The following STARD9 variants were observed in gnomAD, a reference collection of about 807,000 sequenced individuals.
STARD9 encodes stAR-related lipid transfer protein 9.
A neutral mutation model predicts 399.8 loss-of-function variants in STARD9; 346 were observed. The ratio of observed to expected loss-of-function variants is 0.87; its 90% CI spans 0.79 to 0.95. The LOEUF (loss-of-function observed/expected upper bound fraction) is 0.95. Ranked by LOEUF, STARD9 falls within the 40% of genes least tolerant of loss-of-function variation. STARD9 has a pLI of 0.00. For synonymous variants in STARD9, 2,203 were observed against 2,143.5 expected (o/e 1.03, Z -0.77); for missense variants, 5,832 against 5,667.5 (o/e 1.03, Z -0.93).
intron 18 of STARD9, 149 bp downstream of exon 18, chr15:42,675,113 A>C (rs954930415): frequency 3.4e-6 from 3 of 888,082 alleles, no homozygotes; most frequent in African/African-American, 1.7e-5. Context: ...ATATGATCCT[A>C]TTCCCATAAA....
chr15:42,700,500 A>G (rs1407383444), intron 26 of STARD9, among the ~76,000 whole-genome samples: 1 of 152,086 alleles, frequency 6.6e-6, no homozygotes, highest in East Asian at 1.9e-4. Context: ...ATTTCATTGT[A>G]GTTTTGATTT....
chr15:42,610,648 A>G (rs964581231), intron 3 of STARD9, among the ~76,000 whole-genome samples: 1 of 152,116 alleles, frequency 6.6e-6, no homozygotes, highest in Non-Finnish European at 1.5e-5. Flanking sequence ...GCCCGGGTTC[A>G]AGCTTCTCCT....
intron 19 of STARD9, 42 bp from the exon 20 acceptor site, chr15:42,675,830 G>C: frequency 6.5e-7 from 1 of 1,534,936 alleles, no homozygotes; most frequent in Non-Finnish European, 8.7e-7. Context: ...GAGAGGTGGA[G>C]GCGATGACAG....
At chr15:42,626,592 C>T in intron 3 of STARD9, among the ~76,000 whole-genome samples, 1 of 152,022 alleles carries the variant, frequency 6.6e-6, no homozygotes, top group Non-Finnish European at 1.5e-5. Flanking sequence ...CCTCCGCCTC[C>T]CGGGTTCTAA....
intron 4 of STARD9, among the ~76,000 whole-genome samples, chr15:42,635,847 T>C (rs906413383): frequency 3.3e-5 from 5 of 152,170 alleles, no homozygotes; most frequent in Admixed American, 2.0e-4. Flanking sequence ...AGCCTACATG[T>C]GTTAGATCTG....
intron 3 of STARD9, among the ~76,000 whole-genome samples, chr15:42,612,134 C>T (rs575047969): frequency 3.9e-5 from 6 of 152,270 alleles, no homozygotes; most frequent in South Asian, 4.1e-4. Flanking sequence ...TGTTCCACCA[C>T]ACCTGGCTAA....
chr15:42,690,959 G>C lies in STARD9; in HGVS notation c.9381G>C (p.Val3127=), dbSNP rs753335888. Residue 3127 remains valine, a synonymous_variant, in exon 23 of 33, where the codon GTG becomes GTC. Transcript: ENST00000290607. ...CTGTAGGTGACCAGAATGCACAGGT[G>C]TGTCAAACCAATCCAGAACCACCTG... The part of the protein sequence containing the change: ...DSSVGDQNAQ[V]CQTNPEPPAT... The C allele has an allele frequency of 2.0e-5, 30 of 1,537,118 alleles. No homozygotes were observed. The South Asian group carries it at 2.5e-4, about 13-fold the overall frequency.
chr15:42,606,838 A>G (rs543220750), intron 3 of STARD9, among the ~76,000 whole-genome samples: 95 of 152,206 alleles, frequency 6.2e-4, no homozygotes, highest in African/African-American at 2.1e-3. Context: ...TCCCCTGAGT[A>G]GACCTAACTG....
chr15:42,687,598 A>G lies in STARD9; in HGVS notation c.6020A>G (p.Gln2007Arg). 2 of 1,537,142 alleles carry G rather than the reference A, an allele frequency of 1.3e-6. No homozygotes were observed. The highest frequency in any genetic ancestry group is 1.7e-6 in the Non-Finnish European group (2 of 1,146,926). ...ACAAAGCCTGCATATGAAAGGTTCC[A>G]GTTAGTTGCATGCCCTCAGGAAAGA... ...PGTKPAYERF[Q>R]LVACPQERNP... The change falls in exon 23 of 33, where the codon CAG becomes CGG. Residue 2007 changes from glutamine to arginine, a missense_variant. By Grantham distance (43) the Gln-to-Arg change is conservative. Transcript: ENST00000290607.
rs1278434178 is a variant in STARD9, at chr15:42,716,735, A to G, written c.13343A>G (p.His4448Arg). 3.3e-6 allele frequency: 5 copies of G among 1,537,022 alleles called. No individual in the cohort carries two copies. The highest frequency in any genetic ancestry group is 2.4e-5 in the East Asian group (1 of 40,930). Residue 4448 changes from histidine to arginine, a missense_variant, in exon 27 of 33, where the codon CAT (histidine) becomes CGT (arginine). By Grantham distance (29) the His-to-Arg change is conservative. Transcript: ENST00000290607. Reference protein sequence around the residue: ...DVWIGDERGGHSAVRKNSAYS... With the variant: ...DVWIGDERGGRSAVRKNSAYS... ...TGGATAGGGGATGAGCGAGGAGGCC[A>G]TTCTGCAGTGAGGAAGAACTCTGCC...
At chr15:42,608,426 C>T (rs536704808) in intron 3 of STARD9, among the ~76,000 whole-genome samples, 1 of 152,252 alleles carries the variant, frequency 6.6e-6, no homozygotes, top group East Asian at 1.9e-4. Context: ...AACAATGAAA[C>T]CGGAATTGTC....
rs1191681352 is a variant in STARD9 at position 42,685,989 on chromosome 15, A to T, written c.4411A>T (p.Thr1471Ser). 9 of 1,537,152 alleles carry T rather than the reference A, an allele frequency of 5.9e-6. 1 individual carries two copies. The South Asian group carries it at 8.3e-5, about 14-fold the overall frequency. ...ATCAAACGTGCTGGCTGCCTCTGCC[A>T]CCACCTTGACTCATGTAGGCAGCAC... ...SVSNVLAASA[T>S]TLTHVGSTHE... Residue 1471 changes from threonine (T) to serine (S), a missense_variant, in exon 23 of 33, where the codon ACC becomes TCC. By Grantham distance (58) the Thr-to-Ser change is moderately conservative (BLOSUM62 1). This residue lies in a region of STARD9 where 5,828 missense variants were observed against 5,651.1 expected (regional missense o/e 1.03). Transcript: ENST00000290607.
In STARD9 at chr15:42,690,948, A is replaced by C; in HGVS notation, c.9370A>C (p.Asn3124His). 2 of 1,537,194 alleles carry C rather than the reference A, an allele frequency of 1.3e-6. No individual in the cohort carries two copies. Among genetic ancestry groups the C allele is most frequent in the Non-Finnish European group, 1.7e-6 (2 of 1,146,902 alleles). ...QFRDSSVGDQ[N>H]AQVCQTNPEP... ...TAGGGACAGCTCTGTAGGTGACCAG[A>C]ATGCACAGGTGTGTCAAACCAATCC... is the stretch of plus-strand genomic sequence containing the variant. Residue 3124 changes from asparagine (N) to histidine (H), a missense_variant, in exon 23 of 33, where the codon AAT becomes CAT. By Grantham distance (68) the Asn-to-His change is moderately conservative. Coordinates refer to ENST00000290607, the MANE Select transcript of STARD9 (RefSeq NM_020759.3).
At chr15:42,697,012 C>T (rs1325647562) in intron 26 of STARD9, among the ~76,000 whole-genome samples, 2 of 152,138 alleles carry the variant, frequency 1.3e-5, no homozygotes, top group Non-Finnish European at 2.9e-5. Context: ...ACAAATACAA[C>T]GTCATTTAAC....
rs781388324 is a variant in STARD9, at chr15:42,663,872, T to G, written c.1131T>G (p.Tyr377Ter). The change falls in exon 13 of 33, where the codon TAT becomes TAG. Residue 377 changes from tyrosine to a stop codon, truncating the protein, a stop_gained. Coordinates refer to ENST00000290607, the MANE Select transcript of STARD9 (RefSeq NM_020759.3). LOFTEE classifies it high-confidence loss of function. ...GTGAGACCATGAGCACACTGAGATA[T>G]GCATCCAGTGCCAAAAACATTATCA... ...SYSETMSTLR[Y>*]ASSAKNIINK... is the part of the protein sequence containing the mutation. 4 of 1,537,040 alleles carry G rather than the reference T, an allele frequency of 2.6e-6. No individual in the cohort carries two copies. Among genetic ancestry groups the G allele is most frequent in the Non-Finnish European group, 3.5e-6 (4 of 1,146,696 alleles).
At chr15:42,705,431 CTGT>C (rs1347783325) in intron 26 of STARD9, among the ~76,000 whole-genome samples, 2 of 151,928 alleles carry the variant, frequency 1.3e-5, no homozygotes, top group East Asian at 1.9e-4. Flanking sequence ...TGTTACTGAT[CTGT>C]TGTTTGTTTA....
rs143402747 is a variant in STARD9 at position 42,695,854 on chromosome 15, G to A, written c.13258G>A (p.Gly4420Ser). 11 of 1,537,126 alleles carry A rather than the reference G, an allele frequency of 7.2e-6. No individual in the cohort carries two copies. The highest frequency in any genetic ancestry group is 1.4e-5 in the African/African-American group (1 of 73,054). ...CTATAATAGCAGCCCAGCCTTGTCA[G>A]GCCAGCTCCAGTTCCCAGAGAATAT... ...SGYNSSPALS[G>S]QLQFPENMGH... is the part of the protein sequence containing the mutation. Residue 4420 changes from glycine (G) to serine (S), a missense_variant, in exon 26 of 33, where the codon GGC becomes AGC. By Grantham distance (56) the Gly-to-Ser change is moderately conservative. Coordinates refer to ENST00000290607, the MANE Select transcript of STARD9 (RefSeq NM_020759.3).
At chr15:42,667,463 G>T (rs1380085851) in intron 15 of STARD9, among the ~76,000 whole-genome samples, 2 of 151,572 alleles carry the variant, frequency 1.3e-5, no homozygotes, top group Non-Finnish European at 2.9e-5. Context: ...GATTACAGGC[G>T]TGAGCCACCG....
At chr15:42,677,744 A>T (rs2060340109) in intron 20 of STARD9, among the ~76,000 whole-genome samples, 1 of 152,182 alleles carries the variant, frequency 6.6e-6, no homozygotes, top group Non-Finnish European at 1.5e-5. Flanking sequence ...TAAAGAGACG[A>T]TACTGCTATC....
Sources: gnomAD v4.1 joint callset for allele counts (sites outside exome capture counted in the v4.1 genomes callset) on GRCh38, gnomAD v4.1.1 for gene constraint, gnomAD v4.1.1 regional missense constraint, MANE v1.5 for transcripts, NCBI Gene and HGNC (gene_info 2026-07-23, HGNC 2026-07-21) for gene names.